Variants in BHMT observed in about 807,000 individuals in gnomAD.
BHMT encodes the protein betaine--homocysteine S-methyltransferase 1.
Under a neutral mutation model 49.5 loss-of-function variants are expected in BHMT, and 38 were observed. The observed-to-expected ratio is 0.77, with a 90% CI of 0.59 to 1.01. BHMT has a LOEUF of 1.01. Ranked by LOEUF, BHMT falls within the 50% of genes least tolerant of loss-of-function variation. The probability of loss-of-function intolerance (pLI) is 0.00; values close to 1 mark genes in which losing one functional copy is unlikely to be tolerated. For missense variants in BHMT, 426 were observed against 495.7 expected (o/e 0.86, Z 1.34); for synonymous variants, 166 against 176.3 (o/e 0.94, Z 0.46).
rs1163119222 is a variant in BHMT at position 79,120,482 on chromosome 5, G to GT, written c.419dup (p.Phe141IlefsTer22). On this transcript the variant is annotated frameshift_variant, in exon 4 of 8. Coordinates refer to ENST00000274353, the MANE Select transcript of BHMT (RefSeq NM_001713.3). LOFTEE classifies it high-confidence loss of function. Reference sequence around the variant, plus strand: ...CAAGAGTGAAACTGAAGTCAAAAAAGTATTTCTGCAACAGTTAGAGGTCTT... The same window carrying GT: ...CAAGAGTGAAACTGAAGTCAAAAAAGTTATTTCTGCAACAGTTAGAGGTCTT... 1 of 1,613,856 alleles carries GT rather than the reference G, an allele frequency of 6.2e-7. No individual in the cohort carries two copies. Among genetic ancestry groups the GT allele is most frequent in the African/African-American group, 1.3e-5 (1 of 74,900 alleles).
At position 79,111,827 on chromosome 5, in the gene BHMT, G is replaced by T; in HGVS notation, c.-59G>T. 3 of 1,605,704 alleles carry T rather than the reference G, an allele frequency of 1.9e-6. No individual in the cohort carries two copies. Among genetic ancestry groups the T allele is most frequent in the East Asian group, 2.3e-5 (1 of 44,266 alleles). The stretch of plus-strand genomic sequence containing the variant: ...TCGGAGCAGCTCGGGGCTGCGCAGC[G>T]GGAAGGCTCGCCTAGTCGGTCCGCA... On this transcript the variant is annotated 5_prime_UTR_variant, in exon 1 of 8. Coordinates refer to ENST00000274353, the MANE Select transcript of BHMT (RefSeq NM_001713.3).
At chr5:79,120,270 T>G in intron 3 of BHMT, 80 bp from the exon 4 acceptor site, 1 of 1,305,034 alleles carries the variant, frequency 7.7e-7, no homozygotes, top group Non-Finnish European at 1.0e-6. Context: ...AATATACAAC[T>G]AAGATGTGAA....
chr5:79,131,376 A>T lies in BHMT; in HGVS notation c.*260A>T. 1 of 371,814 alleles carries T rather than the reference A, an allele frequency of 2.7e-6. No individual in the cohort carries two copies. The highest frequency in any genetic ancestry group is 4.8e-6 in the Non-Finnish European group (1 of 206,744). The allele number at this position is 371,814 out of a possible 1,614,324, so 23.0% of individuals were successfully genotyped here. On this transcript the variant is annotated 3_prime_UTR_variant, in exon 8 of 8. Transcript: ENST00000274353. ...CCCACCCTGTGAAAAGTATTATGGA[A>T]ATCACTGCTGCACAGGAAAAGTAAT...
chr5:79,119,405 A>G, intron 3 of BHMT, 28 bp downstream of exon 3: 1 of 1,558,198 alleles, frequency 6.4e-7, no homozygotes, highest in Admixed American at 1.7e-5. Flanking sequence ...TGGGACTTTT[A>G]GAAGGATATT....
At chr5:79,118,324 A>G (rs1756417801) in intron 2 of BHMT, among the ~76,000 whole-genome samples, 1 of 152,096 alleles carries the variant, frequency 6.6e-6, no homozygotes, top group African/African-American at 2.4e-5. Flanking sequence ...AAAAATTACC[A>G]GGCGTGGTGG....
rs1164290837 is a variant in BHMT at position 79,115,842 on chromosome 5, G to C, written c.109G>C (p.Gly37Arg). The C allele has an allele frequency of 6.2e-7, 1 of 1,613,942 alleles. No homozygotes were observed. Among genetic ancestry groups the C allele is most frequent in the Non-Finnish European group, 8.5e-7 (1 of 1,179,980 alleles). ...GTTTGTCTTTGCACTGGAGAAGAGG[G>C]GCTACGTAAAGGCAGGACCCTGGAC... ...GGFVFALEKR[G>R]YVKAGPWTPE... is the part of the protein sequence containing the mutation. Residue 37 changes from glycine (G) to arginine (R), a missense_variant, in exon 2 of 8, where the codon GGC becomes CGC. Physicochemically the swap from Gly to Arg is moderately radical, Grantham distance 125. Around this residue, in one of 3 missense-constraint regions of BHMT, gnomAD observed 321 missense variants for 355.9 expected, o/e 0.90. Transcript: ENST00000274353.
At chr5:79,122,066 C>A (rs1485021674) in intron 5 of BHMT, among the ~76,000 whole-genome samples, 3 of 151,734 alleles carry the variant, frequency 2.0e-5, no homozygotes, top group East Asian at 2.0e-4. Flanking sequence ...CTCAGCCTCC[C>A]GAGTAGCTGG....
chr5:79,111,963 C>T (rs1449398594), intron 1 of BHMT, 45 bp downstream of exon 1: 3 of 1,536,310 alleles, frequency 2.0e-6, no homozygotes. Flanking sequence ...CCCCTCCCAC[C>T]TGCTCTGTAT....
intron 1 of BHMT, among the ~76,000 whole-genome samples, chr5:79,113,872 T>A (rs1015430860): frequency 2.0e-5 from 3 of 152,024 alleles, no homozygotes; most frequent in Non-Finnish European, 2.9e-5. Context: ...AGTAATTGAA[T>A]CGCCACTACC....
intron 1 of BHMT, 50 bp from the exon 2 acceptor site, chr5:79,115,717 T>C: frequency 8.1e-6 from 12 of 1,485,400 alleles, no homozygotes; most frequent in Non-Finnish European, 1.1e-5. Flanking sequence ...AATAGAAAAT[T>C]ATCTTAAACA....
At position 79,120,346 on chromosome 5, in the gene BHMT, T is replaced by C. The variant is rs1389570680; in HGVS notation, c.286-4T>C. On this transcript the variant is annotated splice_region_variant and splice_polypyrimidine_tract_variant and intron_variant, in intron 3 of 7. Transcript: ENST00000274353. ...TAGATGTCTCATATACTCACCCATT[T>C]TAGGGGCAGGAAGTCAATGAAGCTG... The C allele has an allele frequency of 6.2e-7, 1 of 1,601,794 alleles. No individual in the cohort carries two copies. Among genetic ancestry groups the C allele is most frequent in the East Asian group, 2.2e-5 (1 of 44,768 alleles).
chr5:79,118,594 C>T (rs1756420709), intron 2 of BHMT, among the ~76,000 whole-genome samples: 1 of 152,234 alleles, frequency 6.6e-6, no homozygotes, highest in Admixed American at 6.5e-5. Context: ...TTTGAAAACA[C>T]TGTATTAATT....
At chr5:79,113,427 T>A (rs1756337522) in intron 1 of BHMT, among the ~76,000 whole-genome samples, 1 of 152,256 alleles carries the variant, frequency 6.6e-6, no homozygotes, top group Non-Finnish European at 1.5e-5. Flanking sequence ...AACAGATGAA[T>A]GTAAGATGGA....
chr5:79,121,470 C>A, intron 5 of BHMT, 105 bp downstream of exon 5: 1 of 1,368,378 alleles, frequency 7.3e-7, no homozygotes, highest in Non-Finnish European at 9.8e-7. Context: ...AACATAAAAA[C>A]CATTAATTTA....
chr5:79,126,811 A>G (rs1756559420), intron 6 of BHMT, among the ~76,000 whole-genome samples: 1 of 152,108 alleles, frequency 6.6e-6, no homozygotes, highest in South Asian at 2.1e-4. Context: ...AGGCAGAAGG[A>G]AAAACTTTCC....
In BHMT at chr5:79,127,735, C is replaced by T. The variant is rs1289917627; in HGVS notation, c.809-20C>T. 1.2e-6 allele frequency: 2 copies of T among 1,613,332 alleles called. No individual in the cohort carries two copies. The highest frequency in any genetic ancestry group is 1.7e-6 in the Non-Finnish European group (2 of 1,179,512). ...GAAAAGAATGTATAATGCCTAATGG[C>T]ATAATGCCACTTATTACAGGACTGG... On this transcript the variant is annotated intron_variant, in intron 6 of 7. Coordinates refer to ENST00000274353, the MANE Select transcript of BHMT (RefSeq NM_001713.3).
chr5:79,126,429 G>C, intron 6 of BHMT: 1 of 530,382 alleles, frequency 1.9e-6, no homozygotes, highest in South Asian at 2.7e-5. Context: ...GTCCCAGCTA[G>C]CAAAAAAGAT....
At chr5:79,123,040 G>A (rs1756496223) in intron 5 of BHMT, among the ~76,000 whole-genome samples, 1 of 152,146 alleles carries the variant, frequency 6.6e-6, no homozygotes, top group African/African-American at 2.4e-5. Context: ...TATTAAACAG[G>A]ACATTTATTA....
Position 79,119,634 on chromosome 5 carries a change from T to C in BHMT, c.285+257T>C, listed in dbSNP as rs181542647. ...TCTCCCAGTCTCTTGACTAAGTTGC[T>C]GAGTAAATTGGGCAACCTTACAAAT... On this transcript the variant is annotated intron_variant, in intron 3 of 7. Coordinates refer to ENST00000274353, the MANE Select transcript of BHMT (RefSeq NM_001713.3). 2.0e-5 allele frequency: 6 copies of C among 307,148 alleles called. No individual in the cohort carries two copies. In the East Asian group the frequency reaches 3.8e-4, roughly 19 times the overall value. The allele number at this position is 307,148 out of a possible 1,614,324, so 19.0% of individuals were successfully genotyped here. A position where few individuals can be genotyped will look rare whatever the true frequency, so the allele number is the denominator to read the frequency against.
Sources: allele counts gnomAD v4.1 joint callset (sites outside exome capture counted in the v4.1 genomes callset), GRCh38; gene constraint gnomAD v4.1.1; regional missense constraint gnomAD v4.1.1; transcripts MANE v1.5; gene names NCBI Gene and HGNC (gene_info 2026-07-23, HGNC 2026-07-21).